The following CBFA2T2 variants were observed in gnomAD, a reference collection of about 807,000 sequenced individuals.
The protein encoded by CBFA2T2 is protein CBFA2T2.
Under a neutral mutation model 62.2 loss-of-function variants are expected in CBFA2T2, and 11 were observed. The ratio of observed to expected loss-of-function variants is 0.18; its 90% CI spans 0.11 to 0.29. The LOEUF (loss-of-function observed/expected upper bound fraction) is 0.29. Ranked by LOEUF, CBFA2T2 falls within the 10% of genes least tolerant of loss-of-function variation. CBFA2T2 has a pLI of 1.00. For synonymous variants in CBFA2T2, 295 were observed against 287.5 expected, an observed-to-expected ratio of 1.03 and a Z score of -0.27; for missense variants, 592 against 774.1, an observed-to-expected ratio of 0.76 and a Z score of 2.79.
At position 33,645,389 on chromosome 20, in the gene CBFA2T2, C is replaced by G. The variant is rs961571839; in HGVS notation, c.*743C>G. The G allele has an allele frequency of 2.0e-5, 3 of 152,130 alleles. No homozygotes were observed. The highest frequency in any genetic ancestry group is 7.2e-5 in the African/African-American group (3 of 41,404). The allele number at this position is 152,130 out of a possible 1,614,324, so 9.4% of individuals were successfully genotyped here. A position where few individuals can be genotyped will look rare whatever the true frequency, so the allele number is the denominator to read the frequency against. ...TTTTGCTTGTGCAGAAAATAGTTTC[C>G]AGCACATGGATTGATCTGAGAGAGA... On this transcript the variant is annotated 3_prime_UTR_variant, in exon 11 of 11. Transcript: ENST00000342704.
At chr20:33,600,169 T>C (rs138657523) in intron 1 of CBFA2T2, among the ~76,000 whole-genome samples, 233 of 147,420 alleles carry the variant, frequency 1.6e-3, no homozygotes, top group African/African-American at 5.2e-3. Flanking sequence ...GTTAGAATTA[T>C]CACTTTTGGA....
At chr20:33,526,346 AC>A (rs2011886584) in intron 1 of CBFA2T2, among the ~76,000 whole-genome samples, 1 of 152,342 alleles carries the variant, frequency 6.6e-6, no homozygotes, top group Non-Finnish European at 1.5e-5. Context: ...TGATCTACTG[AC>A]AAAAATGTGA....
chr20:33,518,035 A>G (rs2011634688), intron 1 of CBFA2T2, among the ~76,000 whole-genome samples: 1 of 149,688 alleles, frequency 6.7e-6, no homozygotes, highest in African/African-American at 2.5e-5. Context: ...TGCAACCTTC[A>G]CCTTCCAGGT....
At chr20:33,561,042 T>A (rs1174797311) in intron 1 of CBFA2T2, among the ~76,000 whole-genome samples, 1 of 152,156 alleles carries the variant, frequency 6.6e-6, no homozygotes, top group Non-Finnish European at 1.5e-5. Context: ...CACGCCCAGC[T>A]AATTTTTGTG....
chr20:33,535,583 T>G (rs1436549148), intron 1 of CBFA2T2, among the ~76,000 whole-genome samples: 1 of 150,464 alleles, frequency 6.6e-6, no homozygotes. Context: ...GCAGGAAGTC[T>G]GGGCATGGAT....
intron 1 of CBFA2T2, among the ~76,000 whole-genome samples, chr20:33,564,917 C>G (rs1600977434): frequency 6.6e-6 from 1 of 151,706 alleles, no homozygotes; most frequent in African/African-American, 2.4e-5. Flanking sequence ...CCCAAGTTTT[C>G]TTTTCTTTTC....
chr20:33,635,394 A>G (rs900333869), intron 8 of CBFA2T2, among the ~76,000 whole-genome samples: 2 of 152,224 alleles, frequency 1.3e-5, no homozygotes, highest in African/African-American at 4.8e-5. Context: ...AACACAAGAA[A>G]GGAAGGAAAG....
intron 4 of CBFA2T2, among the ~76,000 whole-genome samples, chr20:33,621,152 G>C (rs2015948589): frequency 6.6e-6 from 1 of 151,912 alleles, no homozygotes; most frequent in Non-Finnish European, 1.5e-5. Context: ...GGTTTTCTCT[G>C]GTGTTGATTT....
rs1221741669 is a variant in CBFA2T2, at chr20:33,505,062, G to A, written c.34+14761G>A. ...ATATCTAATTTTTATAGCAATTAAG[G>A]TAGGTAGAAGTGTCTTCATCCTCTT... On this transcript the variant is annotated intron_variant, in intron 1 of 10. Transcript: ENST00000342704. Among the ~76,000 whole-genome samples, 10 of 152,226 alleles carry A rather than the reference G, an allele frequency of 6.6e-5. No homozygotes were observed. The East Asian group carries it at 1.9e-3, about 29-fold the overall frequency.
chr20:33,619,294 T>G (rs1196516945), intron 3 of CBFA2T2, among the ~76,000 whole-genome samples: 1 of 151,846 alleles, frequency 6.6e-6, no homozygotes, highest in Non-Finnish European at 1.5e-5. Flanking sequence ...CCGAGGCGGG[T>G]GGATCACAAA....
intron 1 of CBFA2T2, among the ~76,000 whole-genome samples, chr20:33,512,750 C>CT (rs1219735208): frequency 0.012 from 1,654 of 137,230 alleles, 18 homozygotes; most frequent in Non-Finnish European, 0.014. Context: ...GTATGTATGT[C>CT]TTTTTTTTTT....
intron 6 of CBFA2T2, among the ~76,000 whole-genome samples, chr20:33,627,012 C>T (rs1033271703): frequency 2.0e-5 from 3 of 152,126 alleles, no homozygotes; most frequent in Non-Finnish European, 4.4e-5. Flanking sequence ...TTGTCTTATG[C>T]CCAAGGTTTA....
In CBFA2T2 at chr20:33,644,626, A is replaced by G. The variant is rs773961257; in HGVS notation, c.1768A>G (p.Ile590Val). The G allele has an allele frequency of 1.1e-5, 18 of 1,607,782 alleles. No homozygotes were observed. The highest frequency in any genetic ancestry group is 8.4e-5 in the Admixed American group (5 of 59,792). The change falls in exon 11 of 11, where the codon ATC (isoleucine) becomes GTC (valine). Residue 590 changes from isoleucine to valine, a missense_variant. Ile to Val is a conservative substitution (Grantham distance 29). Transcript: ENST00000342704. ...CTCAACACCTGCTTCTGTGACAGCT[A>G]TCGACACCAACGGACTCTGAGCCCC... ...RSSTPASVTA[I>V]DTNGL
rs79767208 is a variant in CBFA2T2, at chr20:33,558,602, A to C, written c.35-48354A>C. On this transcript the variant is annotated intron_variant, in intron 1 of 10. Coordinates refer to ENST00000342704, the MANE Select transcript of CBFA2T2 (RefSeq NM_001032999.3). Reference sequence around the variant, plus strand: ...CCTGTGTCCCCTCAATGTTTTATAAATTTGCTCAATCGTATTGTTTTACTT... The same window carrying C: ...CCTGTGTCCCCTCAATGTTTTATAACTTTGCTCAATCGTATTGTTTTACTT... Among the ~76,000 whole-genome samples, 990 of 152,016 alleles carry C rather than the reference A, an allele frequency of 6.5e-3. 6 individuals carry two copies. The highest frequency in any genetic ancestry group is 0.023 in the African/African-American group (937 of 41,446).
chr20:33,629,138 C>A (rs946245194), intron 7 of CBFA2T2, among the ~76,000 whole-genome samples: 1 of 152,120 alleles, frequency 6.6e-6, no homozygotes, highest in African/African-American at 2.4e-5. Context: ...TCAAAAGAAA[C>A]TTTCTTTTTA....
At chr20:33,521,259 T>G (rs893605847) in intron 1 of CBFA2T2, among the ~76,000 whole-genome samples, 1 of 152,026 alleles carries the variant, frequency 6.6e-6, no homozygotes, top group Non-Finnish European at 1.5e-5. Context: ...GGCTAGGGAG[T>G]AATGAGCTTG....
chr20:33,544,703 C>T (rs927474275), intron 1 of CBFA2T2, among the ~76,000 whole-genome samples: 2 of 151,806 alleles, frequency 1.3e-5, no homozygotes, highest in East Asian at 1.9e-4. Flanking sequence ...CCTGCCGCCA[C>T]GCCTGTCTAA....
At chr20:33,523,995 CT>C (rs200564402) in intron 1 of CBFA2T2, among the ~76,000 whole-genome samples, 19 of 150,752 alleles carry the variant, frequency 1.3e-4, no homozygotes, top group African/African-American at 4.1e-4. Flanking sequence ...GTGTGTTGTG[CT>C]TTTTTTTTAG....
At chr20:33,605,890 C>G (rs892279869) in intron 1 of CBFA2T2, among the ~76,000 whole-genome samples, 10 of 151,778 alleles carry the variant, frequency 6.6e-5, no homozygotes, top group Non-Finnish European at 1.3e-4. Flanking sequence ...ATGATCTTGG[C>G]TCACTGCAAC....
Sources: gnomAD v4.1 joint callset for allele counts (sites outside exome capture counted in the v4.1 genomes callset) on GRCh38, gnomAD v4.1.1 for gene constraint, MANE v1.5 for transcripts, NCBI Gene and HGNC (gene_info 2026-07-23, HGNC 2026-07-21) for gene names.